Variants in SPTBN5 observed in about 807,000 individuals in gnomAD.
SPTBN5 encodes the protein spectrin beta, non-erythrocytic 5, also known as spectrin beta chain, non-erythrocytic 5.
SPTBN5 carries 513 observed loss-of-function variants against 477.6 expected under a neutral mutation model. That is an observed-to-expected ratio of 1.07 (90% CI 1.00 to 1.16). The LOEUF (loss-of-function observed/expected upper bound fraction) is 1.16, where lower values mean the gene tolerates loss of function less well. Ranked by LOEUF, SPTBN5 falls within the 50% of genes most tolerant of loss-of-function variation. The pLI is 0.00. For synonymous variants in SPTBN5, 2,169 were observed against 2,011.7 expected (o/e 1.08, Z -2.09); for missense variants, 5,062 against 4,731.8 (o/e 1.07, Z -2.05).
intron 39 of SPTBN5, among the ~76,000 whole-genome samples, chr15:41,865,432 AATG>A (rs2066267096): frequency 6.6e-6 from 1 of 152,214 alleles, no homozygotes; most frequent in South Asian, 2.1e-4. Flanking sequence ...CATCCTATAT[AATG>A]ATAACATTAA....
Position 41,857,503 on chromosome 15 carries a change from G to C in SPTBN5, c.8365-9C>G. 6.2e-7 allele frequency: 1 copy of C among 1,604,066 alleles called. No homozygotes were observed. The highest frequency in any genetic ancestry group is 8.5e-7 in the Non-Finnish European group (1 of 1,172,820). ...CGCCGCAGACGCAGGGCCTAGGGTA[G>C]AAAGTGAGGTAGGCAGGAGGGGAGT... On this transcript the variant is annotated splice_polypyrimidine_tract_variant and intron_variant, in intron 50 of 67. Transcript: ENST00000320955.
chr15:41,888,183 C>T lies in SPTBN5; in HGVS notation c.502-98G>A. 2.4e-6 allele frequency: 3 copies of T among 1,258,158 alleles called. No homozygotes were observed. The South Asian group carries it at 4.3e-5, about 18-fold the overall frequency. The allele number at this position is 1,258,158 out of a possible 1,614,324, so 77.9% of individuals were successfully genotyped here. On this transcript the variant is annotated intron_variant, in intron 4 of 67. Coordinates refer to ENST00000320955, the MANE Select transcript of SPTBN5 (RefSeq NM_016642.4). ...GAGGCAGGCTGGCCACAGCAGGATCCTGCTCCTCCCTGGCCCGGGGCCAGT... is the reference window on the plus strand; with the variant it reads ...GAGGCAGGCTGGCCACAGCAGGATCTTGCTCCTCCCTGGCCCGGGGCCAGT...
intron 13 of SPTBN5, 37 bp from the exon 14 acceptor site, chr15:41,880,349 G>T: frequency 1.9e-6 from 3 of 1,559,804 alleles, no homozygotes; most frequent in South Asian, 1.2e-5. Flanking sequence ...GTGAGGGTCA[G>T]GGCCCCCGAC....
rs545579815 is a variant in SPTBN5, at chr15:41,853,999, C to A, written c.9774+51G>T. On this transcript the variant is annotated intron_variant, in intron 57 of 67. Transcript: ENST00000320955. ...GGGCTGAGATAGGTCCCCTCAGCCA[C>A]CGCCTTCGGGCAGGGGCTCAGACAG... The A allele has an allele frequency of 1.2e-5, 18 of 1,517,222 alleles. No individual in the cohort carries two copies. The South Asian group carries it at 2.1e-4, about 18-fold the overall frequency. The allele number at this position is 1,517,222 out of a possible 1,614,324, so 94.0% of individuals were successfully genotyped here.
At chr15:41,879,970 A>G (rs2066892017) in intron 14 of SPTBN5, 106 bp from the exon 15 acceptor site, 1 of 1,488,606 alleles carries the variant, frequency 6.7e-7, no homozygotes. Flanking sequence ...AGGGATGCTC[A>G]TGCTGCCTGC....
At chr15:41,854,713 A>G (rs2065880285) in intron 56 of SPTBN5, 69 bp downstream of exon 56, 1 of 1,349,590 alleles carries the variant, frequency 7.4e-7, no homozygotes, top group Admixed American at 2.6e-5. Context: ...GCCTGTGGTA[A>G]GGAGGGCTTA....
At chr15:41,849,287 G>A (rs1341336220) in intron 67 of SPTBN5, among the ~76,000 whole-genome samples, 1 of 152,230 alleles carries the variant, frequency 6.6e-6, no homozygotes, top group Non-Finnish European at 1.5e-5. Flanking sequence ...GAGGAGCCAG[G>A]TAAGAGCCTC....
chr15:41,882,229 C>CCGGGGG, intron 11 of SPTBN5, 40 bp downstream of exon 11: 3 of 1,263,842 alleles, frequency 2.4e-6, no homozygotes, highest in Non-Finnish European at 3.2e-6. Flanking sequence ...CCCGCCTCGC[C>CCGGGGG]GGGCCCCGCC....
At chr15:41,887,463 C>G (rs1454260887) in intron 5 of SPTBN5, 22 bp from the exon 6 acceptor site, 17 of 1,531,760 alleles carry the variant, frequency 1.1e-5, no homozygotes, top group Middle Eastern at 1.7e-4. Flanking sequence ...GTGAGAAGGG[C>G]TCTTCACCAG....
chr15:41,853,759 A>G lies in SPTBN5; in HGVS notation c.9803T>C (p.Val3268Ala), dbSNP rs754125279. The change falls in exon 58 of 68, where the codon GTG (valine) becomes GCG (alanine). Residue 3268 changes from valine (V) to alanine (A), a missense_variant. Coordinates refer to ENST00000320955, the MANE Select transcript of SPTBN5 (RefSeq NM_016642.4). ...GCAGGCCTCCGTCTGTAGCCGTGCC[A>G]CCTCCTTCTCCATAGCTTCCAGCTC... ...ERELEAMEKE[V>A]ARLQTEACRL... is the part of the protein sequence containing the mutation. 1.9e-6 allele frequency: 3 copies of G among 1,575,336 alleles called. No individual in the cohort carries two copies. Among genetic ancestry groups the G allele is most frequent in the Admixed American group, 1.8e-5 (1 of 54,768 alleles).
chr15:41,867,009 C>A lies in SPTBN5; in HGVS notation c.6430G>T (p.Ala2144Ser). 1.3e-6 allele frequency: 2 copies of A among 1,563,198 alleles called. No homozygotes were observed. The highest frequency in any genetic ancestry group is 1.7e-6 in the Non-Finnish European group (2 of 1,154,256). The change falls in exon 36 of 68, where the codon GCC (alanine) becomes TCC (serine). Residue 2144 changes from alanine to serine, a missense_variant. Ala to Ser is a moderately conservative substitution (Grantham distance 99, BLOSUM62 1). Coordinates refer to ENST00000320955, the MANE Select transcript of SPTBN5 (RefSeq NM_016642.4). The part of the protein sequence containing the change: ...VKELAESRGH[A>S]LHASLLMASF... ...GCCATCAGCAGGGAGGCATGCAGGG[C>A]GTGTCCCCGGCTCTCCGCCAGCTCC...
At position 41,867,060 on chromosome 15, in the gene SPTBN5, G is replaced by A; in HGVS notation, c.6379C>T (p.Leu2127=). The part of the protein sequence containing the change: ...RPRVRDRLPI[L]LQRRMRVKEL... ...TTCACTCTCATCCGGCGCTGCAGCAGGATGGGAAGCCGGTCCCGCACCCGG... is the reference window on the plus strand; with the variant it reads ...TTCACTCTCATCCGGCGCTGCAGCAAGATGGGAAGCCGGTCCCGCACCCGG... Residue 2127 remains leucine, a synonymous_variant, in exon 36 of 68, where the codon CTG becomes TTG. Coordinates refer to ENST00000320955, the MANE Select transcript of SPTBN5 (RefSeq NM_016642.4). 6.4e-7 allele frequency: 1 copy of A among 1,550,594 alleles called. No homozygotes were observed. Among genetic ancestry groups the A allele is most frequent in the Non-Finnish European group, 8.7e-7 (1 of 1,148,164 alleles).
rs748776394 is a variant in SPTBN5 at position 41,862,757 on chromosome 15, G to C, written c.7263+33C>G. ...GTGCCCAGGGTCCTACTCAGGAGAT[G>C]CCCTGGGCCCAGCTCTACAGCCAGC... On this transcript the variant is annotated intron_variant, in intron 42 of 67. Coordinates refer to ENST00000320955, the MANE Select transcript of SPTBN5 (RefSeq NM_016642.4). 9 of 1,548,980 alleles carry C rather than the reference G, an allele frequency of 5.8e-6. No individual in the cohort carries two copies. In the East Asian group the frequency reaches 2.2e-4, roughly 38 times the overall value.
In SPTBN5 at chr15:41,890,167, G is replaced by A. The variant is rs772371519; in HGVS notation, c.423C>T (p.Asp141=). ...VPLIGPENIV[D]GDQTLILGLI... is the part of the protein sequence containing the mutation. ...GTCCCAGGATGAGTGTCTGGTCTCC[G>A]TCCACGATGTTCTCTGGCCCGATGA... Residue 141 remains aspartate (D), a synonymous_variant, in exon 4 of 68, where the codon GAC becomes GAT. Transcript: ENST00000320955. 54 of 1,613,046 alleles carry A rather than the reference G, an allele frequency of 3.3e-5. No individual in the cohort carries two copies. The highest frequency in any genetic ancestry group is 2.7e-4 in the East Asian group (12 of 44,862).
intron 32 of SPTBN5, among the ~76,000 whole-genome samples, chr15:41,869,365 C>A (rs1007466226): frequency 6.6e-6 from 1 of 152,218 alleles, no homozygotes; most frequent in Non-Finnish European, 1.5e-5. Context: ...ACCTACTGTC[C>A]CAGTCTGATT....
chr15:41,883,778 C>T (rs1177400969), intron 7 of SPTBN5, among the ~76,000 whole-genome samples: 2 of 151,440 alleles, frequency 1.3e-5, no homozygotes, highest in African/African-American at 4.9e-5. Context: ...TCCTTCCAGG[C>T]GCCCAGACTA....
chr15:41,878,225 T>G lies in SPTBN5; in HGVS notation c.3470+117A>C, dbSNP rs527245369. 1.6e-4 allele frequency: 205 copies of G among 1,278,640 alleles called. 1 individual carries two copies. In the African/African-American group the frequency reaches 2.8e-3, roughly 17 times the overall value. 79.2% of individuals were successfully genotyped at this position (1,278,640 alleles called of 1,614,324 possible). On this transcript the variant is annotated intron_variant, in intron 17 of 67. Coordinates refer to ENST00000320955, the MANE Select transcript of SPTBN5 (RefSeq NM_016642.4). ...GCAGCATGCCAGACACCAACCAGTC[T>G]GGGCCCCTCCCTGGGGAAATCACAC...
Position 41,887,284 on chromosome 15 carries a change from AG to A in SPTBN5, c.816del (p.Tyr273ThrfsTer152), listed in dbSNP as rs774385783. On this transcript the variant is annotated frameshift_variant, in exon 6 of 68. Coordinates refer to ENST00000320955, the MANE Select transcript of SPTBN5 (RefSeq NM_016642.4). LOFTEE classifies it high-confidence loss of function. ...AAQPDERSIM[T>X]YVSLYYHYCS... ...CAGTAGTGGTAGTAGAGGGAGACGT[AG>A]GTCATGATAGAGCGCTCATCTGGCT... The A allele has an allele frequency of 1.3e-6, 2 of 1,551,344 alleles. No homozygotes were observed. The highest frequency in any genetic ancestry group is 8.7e-7 in the Non-Finnish European group (1 of 1,146,998).
At chr15:41,856,273 C>G in intron 53 of SPTBN5, 113 bp downstream of exon 53, 1 of 959,444 alleles carries the variant, frequency 1.0e-6, no homozygotes, top group South Asian at 1.9e-5. Context: ...CAGGAGACCA[C>G]TGAGTGGAGG....
Sources: allele counts gnomAD v4.1 joint callset (sites outside exome capture counted in the v4.1 genomes callset), GRCh38; gene constraint gnomAD v4.1.1; transcripts MANE v1.5; gene names NCBI Gene and HGNC (gene_info 2026-07-23, HGNC 2026-07-21).